The following DENND2A variants were observed in gnomAD, a reference collection of about 807,000 sequenced individuals.
DENND2A encodes the protein DENN domain containing 2A, also known as DENN domain-containing protein 2A.
A neutral mutation model predicts 105.3 loss-of-function variants in DENND2A; 53 were observed. The ratio of observed to expected loss-of-function variants is 0.50; its 90% CI spans 0.40 to 0.63. DENND2A has a LOEUF of 0.63. Ranked by LOEUF, DENND2A falls within the 30% of genes least tolerant of loss-of-function variation. The pLI, the probability that DENND2A is intolerant of heterozygous loss-of-function variation, is 0.00. For synonymous variants in DENND2A, 522 were observed against 508.4 expected (o/e 1.03, Z -0.36); for missense variants, 1,138 against 1,279.6 (o/e 0.89, Z 1.69).
Position 140,553,365 on chromosome 7 carries a change from A to G in DENND2A, c.2037+2271T>C, listed in dbSNP as rs531542448. On this transcript the variant is annotated intron_variant, in intron 12 of 19. Coordinates refer to ENST00000496613, the MANE Select transcript of DENND2A (RefSeq NM_015689.5). ...ATTGCATGTTCCACCTCCAGCCCTAAGGCGGTTTTTCCCTATCTCAGTAGA... is the reference window on the plus strand; with the variant it reads ...ATTGCATGTTCCACCTCCAGCCCTAGGGCGGTTTTTCCCTATCTCAGTAGA... Among the ~76,000 whole-genome samples, 93 of 152,358 alleles carry G rather than the reference A, an allele frequency of 6.1e-4. 1 individual carries two copies. The highest frequency in any genetic ancestry group is 2.0e-3 in the African/African-American group (83 of 41,586).
At chr7:140,605,230 A>G (rs1160427306) in intron 2 of DENND2A, among the ~76,000 whole-genome samples, 2 of 152,152 alleles carry the variant, frequency 1.3e-5, no homozygotes, top group African/African-American at 4.8e-5. Context: ...GGGGTTCCAG[A>G]CTGGGGTGCA....
intron 1 of DENND2A, among the ~76,000 whole-genome samples, chr7:140,606,238 C>T (rs1441205412): frequency 6.6e-6 from 1 of 152,056 alleles, no homozygotes; most frequent in Non-Finnish European, 1.5e-5. Context: ...CGGTTTTTCA[C>T]CTTGTTGGCC....
intron 6 of DENND2A, among the ~76,000 whole-genome samples, chr7:140,570,841 A>G: frequency 6.6e-6 from 1 of 152,184 alleles, no homozygotes; most frequent in East Asian, 1.9e-4. Flanking sequence ...AATGTTTTTC[A>G]TATTTCAGAC....
chr7:140,530,807 T>C (rs1054193326), intron 14 of DENND2A, among the ~76,000 whole-genome samples: 18 of 152,044 alleles, frequency 1.2e-4, no homozygotes, highest in African/African-American at 4.1e-4. Flanking sequence ...CTCAGCTCAC[T>C]GCAACCTCCA....
intron 8 of DENND2A, among the ~76,000 whole-genome samples, chr7:140,568,177 T>A (rs1238824157): frequency 6.6e-6 from 1 of 152,120 alleles, no homozygotes; most frequent in Admixed American, 6.5e-5. Flanking sequence ...CCCGACCTTG[T>A]GATCCACCCG....
Position 140,573,925 on chromosome 7 carries a change from C to T in DENND2A, c.1329G>A (p.Arg443=), listed in dbSNP as rs191980596. 6.2e-6 allele frequency: 10 copies of T among 1,614,138 alleles called. No individual in the cohort carries two copies. In the East Asian group the frequency reaches 1.8e-4, roughly 29 times the overall value. ...TTTTGGAAGGGGACCCAGTTCCATCCCGACTCAGCTTCCTAGTGTCCAGCA... is the reference window on the plus strand; with the variant it reads ...TTTTGGAAGGGGACCCAGTTCCATCTCGACTCAGCTTCCTAGTGTCCAGCA... The part of the protein sequence containing the change: ...FKLLDTRKLS[R]DGTGSPSKIS... The change falls in exon 6 of 20, where the codon CGG becomes CGA. Residue 443 remains arginine, a synonymous_variant. Transcript: ENST00000496613.
Position 140,544,759 on chromosome 7 carries a change from T to G in DENND2A, c.2186A>C (p.Glu729Ala). The change falls in exon 14 of 20, where the codon GAA (glutamate) becomes GCA (alanine). Residue 729 changes from glutamate (E) to alanine (A), a missense_variant. By Grantham distance (107) the Glu-to-Ala change is moderately radical. Transcript: ENST00000496613. ...CCGGGAGTCCAGCGGGCGGCACAGT[T>G]CGATCACCTGCCAGGGAACAGGAGC... ...FLPGSGTEVI[E>A]LCRPLDSRLE... 6.3e-7 allele frequency: 1 copy of G among 1,579,494 alleles called. No individual in the cohort carries two copies. Among genetic ancestry groups the G allele is most frequent in the Non-Finnish European group, 8.6e-7 (1 of 1,162,704 alleles).
At chr7:140,608,431 C>G (rs746361740) in intron 1 of DENND2A, among the ~76,000 whole-genome samples, 5 of 152,154 alleles carry the variant, frequency 3.3e-5, no homozygotes, top group African/African-American at 7.2e-5. Context: ...AATTCCAGCA[C>G]TTTTGGAGGC....
chr7:140,627,602 G>A (rs531036467), intron 1 of DENND2A, among the ~76,000 whole-genome samples: 63 of 151,836 alleles, frequency 4.1e-4, no homozygotes, highest in African/African-American at 1.4e-3. Context: ...GTTCACTGCA[G>A]CCTCAAACTC....
chr7:140,546,146 G>A (rs758818323), intron 13 of DENND2A, among the ~76,000 whole-genome samples: 3 of 152,230 alleles, frequency 2.0e-5, no homozygotes, highest in Non-Finnish European at 4.4e-5. Flanking sequence ...CAGGCTGGGC[G>A]CGGTGGCTCA....
At chr7:140,625,823 T>C (rs1800503311) in intron 1 of DENND2A, among the ~76,000 whole-genome samples, 1 of 152,248 alleles carries the variant, frequency 6.6e-6, no homozygotes, top group Admixed American at 6.5e-5. Flanking sequence ...TAACCTTGTG[T>C]TACGTCTTGT....
At chr7:140,569,564 C>A in intron 7 of DENND2A, 81 bp downstream of exon 7, 1 of 981,124 alleles carries the variant, frequency 1.0e-6, no homozygotes, top group South Asian at 1.3e-5. Flanking sequence ...GGTGAGCCAA[C>A]CAGAAAAAAC....
intron 14 of DENND2A, among the ~76,000 whole-genome samples, chr7:140,532,501 T>C (rs73485794): frequency 6.1e-4 from 93 of 152,306 alleles, no homozygotes; most frequent in African/African-American, 1.9e-3. Context: ...CGCGTCAGAC[T>C]TGTGGTTCAA....
At chr7:140,568,855 C>A in intron 7 of DENND2A, 42 bp from the exon 8 acceptor site, 2 of 1,591,710 alleles carry the variant, frequency 1.3e-6, no homozygotes, top group African/African-American at 1.3e-5. Context: ...AATGTGAGTT[C>A]TTCTCATGTA....
chr7:140,605,995 C>T (rs903499027), intron 1 of DENND2A, among the ~76,000 whole-genome samples, 189 bp from the exon 2 acceptor site: 12 of 152,080 alleles, frequency 7.9e-5, no homozygotes, highest in African/African-American at 2.2e-4. Flanking sequence ...TCCCGATGTC[C>T]GCCCGGATTC....
At chr7:140,560,312 G>A (rs1282198728) in intron 9 of DENND2A, among the ~76,000 whole-genome samples, 2 of 152,178 alleles carry the variant, frequency 1.3e-5, no homozygotes, top group African/African-American at 4.8e-5. Context: ...GTTGGAACTA[G>A]AAGGAAGCGT....
chr7:140,531,929 G>A (rs1050094332), intron 14 of DENND2A, among the ~76,000 whole-genome samples: 7 of 151,664 alleles, frequency 4.6e-5, no homozygotes, highest in African/African-American at 7.3e-5. Flanking sequence ...ATTGTGGGCT[G>A]CAATGAAAAG....
intron 1 of DENND2A, among the ~76,000 whole-genome samples, chr7:140,626,668 A>C (rs1800544738): frequency 6.7e-6 from 1 of 150,212 alleles, no homozygotes. Context: ...CTCCCCTCAG[A>C]CTCTTCCCAC....
chr7:140,518,523 G>A lies in DENND2A; in HGVS notation c.*184C>T. The stretch of plus-strand genomic sequence containing the variant: ...GCCTGGTCTCGGGCTCCCTTTCTGG[G>A]GCTGTCCTCCCAGGCGGCTCCCAGG... On this transcript the variant is annotated 3_prime_UTR_variant, in exon 20 of 20. Coordinates refer to ENST00000496613, the MANE Select transcript of DENND2A (RefSeq NM_015689.5). The A allele has an allele frequency of 3.9e-6, 2 of 514,316 alleles. 1 individual carries two copies. Among genetic ancestry groups the A allele is most frequent in the Middle Eastern group, 7.6e-4 (2 of 2,624 alleles). 31.9% of individuals were successfully genotyped at this position (514,316 alleles called of 1,614,324 possible). A position where few individuals can be genotyped will look rare whatever the true frequency, so the allele number is the denominator to read the frequency against.
Sources: allele counts gnomAD v4.1 joint callset (sites outside exome capture counted in the v4.1 genomes callset), GRCh38; gene constraint gnomAD v4.1.1; transcripts MANE v1.5; gene names NCBI Gene and HGNC (gene_info 2026-07-23, HGNC 2026-07-21).